AHCYL2: variants seen among roughly 807,000 people sequenced by gnomAD.
AHCYL2 encodes the protein adenosylhomocysteinase like 2.
AHCYL2 carries 28 observed loss-of-function variants against 81.4 expected under a neutral mutation model. The observed-to-expected ratio is 0.34, with a 90% CI of 0.25 to 0.47. AHCYL2 has a LOEUF of 0.47. AHCYL2 is among the 20% of genes least tolerant of loss of function. AHCYL2 has a pLI of 1.00. For synonymous variants in AHCYL2, 272 were observed against 290.2 expected, an observed-to-expected ratio of 0.94 and a Z score of 0.64; for missense variants, 551 against 785.1, an observed-to-expected ratio of 0.70 and a Z score of 3.56.
chr7:129,373,072 T>G (rs569280228), intron 1 of AHCYL2, among the ~76,000 whole-genome samples: 1 of 152,196 alleles, frequency 6.6e-6, no homozygotes, highest in South Asian at 2.1e-4. Flanking sequence ...ACACAAAATC[T>G]TCAACCAGAG....
intron 1 of AHCYL2, among the ~76,000 whole-genome samples, chr7:129,292,887 A>G (rs1796917557): frequency 6.6e-6 from 1 of 152,250 alleles, no homozygotes; most frequent in African/African-American, 2.4e-5. Context: ...TATAGCTTCT[A>G]GACTGAGAAA....
chr7:129,230,065 T>C (rs1037167233), intron 1 of AHCYL2, among the ~76,000 whole-genome samples: 2 of 151,548 alleles, frequency 1.3e-5, no homozygotes, highest in Admixed American at 6.6e-5. Context: ...TTACATATAC[T>C]GTTTTATTTA....
At chr7:129,395,567 CAG>C (rs1360791769) in intron 4 of AHCYL2, among the ~76,000 whole-genome samples, 1 of 152,172 alleles carries the variant, frequency 6.6e-6, no homozygotes, top group Admixed American at 6.5e-5. Flanking sequence ...CTCCCAGAGG[CAG>C]AGTTTTTGCT....
chr7:129,236,650 A>T (rs1473257972), intron 1 of AHCYL2, among the ~76,000 whole-genome samples: 1 of 152,228 alleles, frequency 6.6e-6, no homozygotes, highest in Admixed American at 6.5e-5. Flanking sequence ...TAAATGCAAA[A>T]TGCCATGTTG....
chr7:129,343,230 G>A (rs1793246880), intron 1 of AHCYL2, among the ~76,000 whole-genome samples: 1 of 152,120 alleles, frequency 6.6e-6, no homozygotes, highest in Non-Finnish European at 1.5e-5. Flanking sequence ...TTTATTAAAA[G>A]CTCATCTTTC....
Position 129,389,736 on chromosome 7 carries a change from T to G in AHCYL2, c.720+2T>G. Reference sequence around the variant, plus strand: ...ACACACATCACTGCTCAGACTGCTGTGAGTTCTTTTCTTTTCTCCTTTTAA... The same window carrying G: ...ACACACATCACTGCTCAGACTGCTGGGAGTTCTTTTCTTTTCTCCTTTTAA... On this transcript the variant is annotated splice_donor_variant, in intron 4 of 16. Coordinates refer to ENST00000325006, the MANE Select transcript of AHCYL2 (RefSeq NM_015328.4). LOFTEE classifies it high-confidence loss of function. 3 of 1,601,920 alleles carry G rather than the reference T, an allele frequency of 1.9e-6. No homozygotes were observed. Among genetic ancestry groups the G allele is most frequent in the Non-Finnish European group, 2.6e-6 (3 of 1,176,462 alleles).
At chr7:129,278,852 C>T (rs1796319076) in intron 1 of AHCYL2, among the ~76,000 whole-genome samples, 1 of 148,888 alleles carries the variant, frequency 6.7e-6, no homozygotes, top group African/African-American at 2.5e-5. Context: ...TGCTCTTGCA[C>T]CTTTGTTGAA....
intron 1 of AHCYL2, among the ~76,000 whole-genome samples, chr7:129,235,746 G>A (rs55977652): frequency 3.3e-3 from 508 of 152,216 alleles, no homozygotes; most frequent in African/African-American, 0.012. Flanking sequence ...TGTTTTGCAG[G>A]TTCCTTTTTT....
intron 1 of AHCYL2, among the ~76,000 whole-genome samples, chr7:129,261,132 T>A (rs1291416153): frequency 6.6e-6 from 1 of 152,194 alleles, no homozygotes; most frequent in Admixed American, 6.5e-5. Context: ...AAAAAATAAA[T>A]GCATGTATAT....
At chr7:129,276,514 G>A (rs1796211518) in intron 1 of AHCYL2, among the ~76,000 whole-genome samples, 1 of 151,748 alleles carries the variant, frequency 6.6e-6, no homozygotes, top group Admixed American at 6.6e-5. Flanking sequence ...ACTTTGGGAG[G>A]CTGAGGCAGG....
Position 129,427,583 on chromosome 7 carries a change from T to C in AHCYL2, c.*538T>C, listed in dbSNP as rs1402797356. 1.3e-5 allele frequency: 2 copies of C among 152,934 alleles called. No homozygotes were observed. Among genetic ancestry groups the C allele is most frequent in the East Asian group, 3.9e-4 (2 of 5,192 alleles). 9.5% of individuals were successfully genotyped at this position (152,934 alleles called of 1,614,324 possible). On this transcript the variant is annotated 3_prime_UTR_variant, in exon 17 of 17. Transcript: ENST00000325006. This position sits in a 1 kb window ranked among gnomAD's most constrained non-coding sequence, Gnocchi z 5.5. ...AAGGCTAATAAGGAAGGAGTGTTAT[T>C]TATGGCTTTGCCAAGCTACATCAAG...
At chr7:129,354,989 A>C (rs1793689210) in intron 1 of AHCYL2, among the ~76,000 whole-genome samples, 1 of 152,178 alleles carries the variant, frequency 6.6e-6, no homozygotes, top group East Asian at 1.9e-4. Context: ...TTGTAACCCC[A>C]AATGAATACC....
chr7:129,309,402 G>A (rs1370141226), intron 1 of AHCYL2, among the ~76,000 whole-genome samples: 1 of 151,888 alleles, frequency 6.6e-6, no homozygotes, highest in Non-Finnish European at 1.5e-5. Context: ...AGCTGGGTGT[G>A]GTAGGTACAT....
chr7:129,242,706 ACT>A (rs1413261515), intron 1 of AHCYL2, among the ~76,000 whole-genome samples: 2 of 146,348 alleles, frequency 1.4e-5, no homozygotes, highest in South Asian at 2.2e-4. Context: ...ACAGTGTGAG[ACT>A]CTGTCTCAGA....
chr7:129,237,556 ATT>A (rs5887419), intron 1 of AHCYL2, among the ~76,000 whole-genome samples: 4,330 of 149,242 alleles, frequency 0.029, 183 homozygotes, highest in African/African-American at 0.09. Context: ...TATTTTAGCG[ATT>A]TTTTTTTTTT....
intron 1 of AHCYL2, chr7:129,375,565 G>A (rs1794641574): frequency 4.2e-6 from 5 of 1,202,496 alleles, no homozygotes; most frequent in Non-Finnish European, 5.2e-6. Context: ...GACTTGCAAG[G>A]TTTAGAGGTC....
intron 1 of AHCYL2, among the ~76,000 whole-genome samples, chr7:129,298,130 G>T (rs987053409): frequency 1.3e-5 from 2 of 152,172 alleles, no homozygotes; most frequent in African/African-American, 4.8e-5. Flanking sequence ...TAATTTGATA[G>T]GAAAGACTCT....
chr7:129,229,193 G>C (rs1794332492), intron 1 of AHCYL2, among the ~76,000 whole-genome samples: 1 of 151,896 alleles, frequency 6.6e-6, no homozygotes, highest in South Asian at 2.1e-4. Flanking sequence ...TCAGCTTCCT[G>C]AGTAGCTGGG....
intron 1 of AHCYL2, among the ~76,000 whole-genome samples, chr7:129,250,577 A>G (rs1795215456): frequency 6.6e-6 from 1 of 152,182 alleles, no homozygotes; most frequent in Non-Finnish European, 1.5e-5. Context: ...TGTTGAATAG[A>G]AGTGGCAACA....
Sources: gnomAD v4.1 joint callset for allele counts (sites outside exome capture counted in the v4.1 genomes callset) on GRCh38, gnomAD v4.1.1 for gene constraint, Gnocchi (gnomAD v3.1) non-coding constraint, MANE v1.5 for transcripts, NCBI Gene and HGNC (gene_info 2026-07-23, HGNC 2026-07-21) for gene names.